ZFYVE28: variants seen among roughly 807,000 people sequenced by gnomAD.
The protein encoded by ZFYVE28 is zinc finger FYVE-type containing 28.
In ZFYVE28, 40 loss-of-function variants were observed where a neutral mutation model predicts 82.1. The ratio of observed to expected loss-of-function variants is 0.49; its 90% CI spans 0.38 to 0.63. The LOEUF (loss-of-function observed/expected upper bound fraction) is 0.63, where lower values mean the gene tolerates loss of function less well. ZFYVE28 is among the 30% of genes least tolerant of loss of function. The pLI, the probability that ZFYVE28 is intolerant of heterozygous loss-of-function variation, is 0.00. For synonymous variants in ZFYVE28, 612 were observed against 546.1 expected (o/e 1.12, Z -1.68); for missense variants, 1,321 against 1,242.1 (o/e 1.06, Z -0.96).
chr4:2,396,906 CA>C (rs1211402553), intron 1 of ZFYVE28, among the ~76,000 whole-genome samples: 1 of 152,166 alleles, frequency 6.6e-6, no homozygotes, highest in African/African-American at 2.4e-5. Context: ...GGGTCCTGAG[CA>C]GCGAGTCATG....
At chr4:2,380,658 G>C (rs1376929633) in intron 1 of ZFYVE28, among the ~76,000 whole-genome samples, 2 of 152,220 alleles carry the variant, frequency 1.3e-5, no homozygotes. Context: ...GAGGGACCCA[G>C]TGGGAGATAA....
intron 1 of ZFYVE28, among the ~76,000 whole-genome samples, chr4:2,403,659 C>G (rs907490148): frequency 6.6e-6 from 1 of 152,206 alleles, no homozygotes; most frequent in African/African-American, 2.4e-5. Flanking sequence ...CGATGACCCA[C>G]TCTCTGTCAA....
chr4:2,308,631 AAG>A (rs1716959877), intron 7 of ZFYVE28, among the ~76,000 whole-genome samples: 2 of 97,470 alleles, frequency 2.1e-5, no homozygotes, highest in African/African-American at 7.8e-5. Context: ...AGAAGACAGA[AAG>A]AAAGAAAGAA....
At chr4:2,400,437 G>GC (rs71167789) in intron 1 of ZFYVE28, among the ~76,000 whole-genome samples, 128,884 of 151,764 alleles carry the variant, frequency 0.85, 54,880 homozygotes, top group Admixed American at 0.9. Flanking sequence ...CTGTCCCACC[G>GC]CAATTCGACA....
rs997350671 is a variant in ZFYVE28 at position 2,394,704 on chromosome 4, G to A, written c.39+23581C>T. On this transcript the variant is annotated intron_variant, in intron 1 of 12. Coordinates refer to ENST00000290974, the MANE Select transcript of ZFYVE28 (RefSeq NM_020972.3). The surrounding 1 kb of genome is among the most constrained non-coding windows in gnomAD (Gnocchi z 4.0). ...TCACACAGGTCTGCGATCCGATCCT[G>A]TGAACAGGCACCACTCTGCGCAGCT... is the stretch of plus-strand genomic sequence containing the variant. Among the ~76,000 whole-genome samples the A allele has an allele frequency of 4.6e-5, 7 of 152,240 alleles. No individual in the cohort carries two copies. The highest frequency in any genetic ancestry group is 1.0e-4 in the Non-Finnish European group (7 of 68,040).
Position 2,337,433 on chromosome 4 carries a change from G to C in ZFYVE28, c.585C>G (p.Ile195Met), listed in dbSNP as rs535750345. 5 of 1,609,738 alleles carry C rather than the reference G, an allele frequency of 3.1e-6. No homozygotes were observed. The highest frequency in any genetic ancestry group is 4.2e-6 in the Non-Finnish European group (5 of 1,177,812). ...PREYYVQQEVIVLFCETVERA... is the reference protein window; with the variant it reads ...PREYYVQQEVMVLFCETVERA... ...TCTCCACCGTCTCGCAGAAGAGCACGATGACCTCCTGCTGCACGTAGTACT... is the reference window on the plus strand; with the variant it reads ...TCTCCACCGTCTCGCAGAAGAGCACCATGACCTCCTGCTGCACGTAGTACT... Residue 195 changes from isoleucine to methionine, a missense_variant, in exon 5 of 13, where the codon ATC becomes ATG. By Grantham distance (10) the Ile-to-Met change is conservative (BLOSUM62 1). Around this residue, in one of 2 missense-constraint regions of ZFYVE28, gnomAD observed 343 missense variants for 408.4 expected, o/e 0.84. Coordinates refer to ENST00000290974, the MANE Select transcript of ZFYVE28 (RefSeq NM_020972.3).
intron 8 of ZFYVE28, among the ~76,000 whole-genome samples, chr4:2,296,795 C>A (rs1244910721): frequency 6.6e-6 from 1 of 152,186 alleles, no homozygotes; most frequent in African/African-American, 2.4e-5. Flanking sequence ...CCAGACCTGT[C>A]ACTCCGTCCC....
rs1448621515 is a variant in ZFYVE28, at chr4:2,394,135, C to T, written c.39+24150G>A. 2.0e-5 allele frequency among the ~76,000 whole-genome samples: 3 copies of T among 152,204 alleles called. No homozygotes were observed. Among genetic ancestry groups the T allele is most frequent in the African/African-American group, 7.2e-5 (3 of 41,448 alleles). On this transcript the variant is annotated intron_variant, in intron 1 of 12. Transcript: ENST00000290974. The surrounding 1 kb of genome is among the most constrained non-coding windows in gnomAD (Gnocchi z 4.0). The stretch of plus-strand genomic sequence containing the variant: ...GGCCCAGCTCCTCTGACTCTCCTGC[C>T]CCCTTCTCCACTACTGAGGACTCCT...
At chr4:2,371,855 C>T (rs373410314) in intron 1 of ZFYVE28, among the ~76,000 whole-genome samples, 1 of 150,964 alleles carries the variant, frequency 6.6e-6, no homozygotes, top group African/African-American at 2.4e-5. Context: ...GCCCGCCCCC[C>T]ACCCAGCGTG....
At chr4:2,350,364 T>G (rs1181194358) in intron 2 of ZFYVE28, among the ~76,000 whole-genome samples, 2 of 151,338 alleles carry the variant, frequency 1.3e-5, no homozygotes, top group Admixed American at 6.6e-5. Flanking sequence ...CTCGGGAGGC[T>G]GAGGCAGGAG....
chr4:2,413,415 T>C (rs2108689703), intron 1 of ZFYVE28, among the ~76,000 whole-genome samples: 1 of 152,326 alleles, frequency 6.6e-6, no homozygotes, highest in African/African-American at 2.4e-5. Flanking sequence ...CAGAGCCTTC[T>C]GAATTCAGAG....
intron 1 of ZFYVE28, among the ~76,000 whole-genome samples, chr4:2,395,278 A>T (rs1002729480): frequency 7.2e-6 from 1 of 139,346 alleles, no homozygotes; most frequent in African/African-American, 2.6e-5. Flanking sequence ...TACTCGACTA[A>T]TAAGAGAGGA....
intron 8 of ZFYVE28, among the ~76,000 whole-genome samples, chr4:2,278,586 G>C (rs546804484): frequency 9.2e-5 from 14 of 152,054 alleles, no homozygotes; most frequent in Non-Finnish European, 1.9e-4. Context: ...CAACAAAAGA[G>C]AAAACAGATA....
At chr4:2,392,927 T>G (rs961608548) in intron 1 of ZFYVE28, among the ~76,000 whole-genome samples, 1 of 152,218 alleles carries the variant, frequency 6.6e-6, no homozygotes, top group African/African-American at 2.4e-5. Flanking sequence ...AATATGTCCA[T>G]GTAGAATCGA....
chr4:2,350,540 A>T (rs1724261059), intron 2 of ZFYVE28, among the ~76,000 whole-genome samples: 1 of 152,148 alleles, frequency 6.6e-6, no homozygotes, highest in South Asian at 2.1e-4. Context: ...CCTGACATAC[A>T]GCTCCTAAAA....
At chr4:2,395,822 G>A (rs1191149179) in intron 1 of ZFYVE28, among the ~76,000 whole-genome samples, 2 of 152,208 alleles carry the variant, frequency 1.3e-5, no homozygotes, top group Non-Finnish European at 2.9e-5. Flanking sequence ...CTCACAGGAG[G>A]CGGCGGGACT....
chr4:2,361,601 C>T (rs754482753), intron 1 of ZFYVE28, among the ~76,000 whole-genome samples: 23 of 152,132 alleles, frequency 1.5e-4, no homozygotes, highest in Non-Finnish European at 2.6e-4. Context: ...GCACAGGGCA[C>T]GGAAGCACAG....
At chr4:2,389,569 A>G (rs997153394) in intron 1 of ZFYVE28, among the ~76,000 whole-genome samples, 5 of 152,188 alleles carry the variant, frequency 3.3e-5, no homozygotes, top group African/African-American at 9.7e-5. Flanking sequence ...GATTAGGGAC[A>G]AGCTGCCCAA....
At chr4:2,395,391 C>T (rs550737679) in intron 1 of ZFYVE28, among the ~76,000 whole-genome samples, 5 of 152,262 alleles carry the variant, frequency 3.3e-5, no homozygotes, top group African/African-American at 4.8e-5. Flanking sequence ...TTTGCTTTCG[C>T]GCAGACAGCA....
Sources: allele counts gnomAD v4.1 joint callset (sites outside exome capture counted in the v4.1 genomes callset), GRCh38; gene constraint gnomAD v4.1.1; regional missense constraint gnomAD v4.1.1; non-coding constraint Gnocchi (gnomAD v3.1); transcripts MANE v1.5; gene names NCBI Gene and HGNC (gene_info 2026-07-23, HGNC 2026-07-21).